PLEKHM3: variants seen among roughly 807,000 people sequenced by gnomAD.
The protein encoded by PLEKHM3 is pleckstrin homology domain-containing family M member 3.
In PLEKHM3, 45 loss-of-function variants were observed where a neutral mutation model predicts 81.8. The ratio of observed to expected loss-of-function variants is 0.55; its 90% CI spans 0.43 to 0.71. PLEKHM3 has a LOEUF of 0.71. Ranked by LOEUF, PLEKHM3 falls within the 30% of genes least tolerant of loss-of-function variation. PLEKHM3 has a pLI of 0.00. For synonymous variants in PLEKHM3, 352 were observed against 356.4 expected (o/e 0.99, Z 0.14); for missense variants, 788 against 924.3 (o/e 0.85, Z 1.91).
chr2:207,821,693 T>C lies in PLEKHM3; in HGVS notation c.*6626A>G, dbSNP rs1476873280. 1 of 152,012 alleles carries C rather than the reference T, an allele frequency of 6.6e-6. No homozygotes were observed. The highest frequency in any genetic ancestry group is 1.5e-5 in the Non-Finnish European group (1 of 68,008). 9.4% of individuals were successfully genotyped at this position (152,012 alleles called of 1,614,324 possible). On this transcript the variant is annotated 3_prime_UTR_variant, in exon 8 of 8. Coordinates refer to ENST00000427836, the MANE Select transcript of PLEKHM3 (RefSeq NM_001080475.3). ...AAGTTTTTTACATCACCACGTTCAA[T>C]ACTCTCCATTTGCAACCTAAGCATT...
intron 6 of PLEKHM3, among the ~76,000 whole-genome samples, chr2:207,891,957 C>A (rs1205778055): frequency 2.0e-5 from 3 of 152,206 alleles, no homozygotes; most frequent in Non-Finnish European, 2.9e-5. Flanking sequence ...GAAGGCATAA[C>A]ACAGTCCTGG....
chr2:207,959,915 T>C (rs528043714), intron 3 of PLEKHM3, among the ~76,000 whole-genome samples: 2 of 152,366 alleles, frequency 1.3e-5, no homozygotes, highest in South Asian at 4.1e-4. Flanking sequence ...ACTGTCTTGG[T>C]GTATTTTCTC....
intron 6 of PLEKHM3, among the ~76,000 whole-genome samples, chr2:207,892,530 C>A (rs920730625): frequency 6.6e-6 from 1 of 152,158 alleles, no homozygotes; most frequent in African/African-American, 2.4e-5. Flanking sequence ...TTCAACTTCT[C>A]TCCTACGCTG....
intron 7 of PLEKHM3, among the ~76,000 whole-genome samples, chr2:207,833,026 C>T (rs2092297088): frequency 6.7e-6 from 1 of 149,970 alleles, no homozygotes; most frequent in South Asian, 2.1e-4. Flanking sequence ...GCACGAGAAT[C>T]GCTGAAACCC....
At chr2:207,902,957 G>A (rs1168858036) in intron 6 of PLEKHM3, among the ~76,000 whole-genome samples, 1 of 151,980 alleles carries the variant, frequency 6.6e-6, no homozygotes, top group African/African-American at 2.4e-5. Context: ...TTTAGGCAGT[G>A]CTAGGCAATT....
At chr2:207,880,947 C>G (rs2092588509) in intron 6 of PLEKHM3, among the ~76,000 whole-genome samples, 1 of 150,752 alleles carries the variant, frequency 6.6e-6, no homozygotes, top group African/African-American at 2.4e-5. Flanking sequence ...GGAGAACTTG[C>G]TTATACTGTT....
rs879530492 is a variant in PLEKHM3 at position 208,003,245 on chromosome 2, C to T, written c.-318-1288G>A. Among the ~76,000 whole-genome samples, 2 of 152,206 alleles carry T rather than the reference C, an allele frequency of 1.3e-5. 1 individual carries two copies. Among genetic ancestry groups the T allele is most frequent in the Non-Finnish European group, 2.9e-5 (2 of 68,040 alleles). ...TTTCACCTTCCACCATGATTCCAGCCATGTGGAATTGTAAGTCCAATAAAA... is the reference window on the plus strand; with the variant it reads ...TTTCACCTTCCACCATGATTCCAGCTATGTGGAATTGTAAGTCCAATAAAA... On this transcript the variant is annotated intron_variant, in intron 1 of 7. Coordinates refer to ENST00000427836, the MANE Select transcript of PLEKHM3 (RefSeq NM_001080475.3).
chr2:207,892,344 A>T (rs115952216), intron 6 of PLEKHM3, among the ~76,000 whole-genome samples: 11 of 152,292 alleles, frequency 7.2e-5, no homozygotes, highest in African/African-American at 2.6e-4. Context: ...TACCATACAC[A>T]TCCATACCAA....
intron 7 of PLEKHM3, among the ~76,000 whole-genome samples, chr2:207,851,971 T>C (rs970887271): frequency 4.6e-5 from 7 of 152,134 alleles, no homozygotes; most frequent in African/African-American, 1.4e-4. Flanking sequence ...TCCACAACAG[T>C]ACTTTGGCCA....
chr2:207,923,905 A>ATATATAT (rs1396762429), intron 5 of PLEKHM3, among the ~76,000 whole-genome samples: 3 of 28,340 alleles, frequency 1.1e-4, no homozygotes, highest in East Asian at 9.1e-4. Context: ...ATATATATAT[A>ATATATAT]TTTTTTTTTT....
chr2:207,999,094 T>C (rs1325056904), intron 2 of PLEKHM3, among the ~76,000 whole-genome samples: 1 of 152,000 alleles, frequency 6.6e-6, no homozygotes, highest in African/African-American at 2.4e-5. Context: ...TCGATTTTCA[T>C]GCCTCAGCCT....
rs1021637599 is a variant in PLEKHM3 at position 208,015,314 on chromosome 2, T to C, written c.-319+10075A>G. Among the ~76,000 whole-genome samples, 4 of 152,204 alleles carry C rather than the reference T, an allele frequency of 2.6e-5. 1 individual carries two copies. The highest frequency in any genetic ancestry group is 1.3e-4 in the Admixed American group (2 of 15,284). The stretch of plus-strand genomic sequence containing the variant: ...GCAAATTAATTACCCTGGGATAATA[T>C]GGCTAAAATTTTAGTACATGAACAT... On this transcript the variant is annotated intron_variant, in intron 1 of 7. Transcript: ENST00000427836.
Position 207,976,724 on chromosome 2 carries a change from A to T in PLEKHM3, c.1473T>A (p.Thr491=). The T allele has an allele frequency of 6.2e-7, 1 of 1,614,234 alleles. No individual in the cohort carries two copies. The highest frequency in any genetic ancestry group is 8.5e-7 in the Non-Finnish European group (1 of 1,180,034). The change falls in exon 3 of 8, where the codon ACT becomes ACA. Residue 491 remains threonine, a synonymous_variant. Transcript: ENST00000427836. The surrounding 1 kb of genome is among the most constrained non-coding windows in gnomAD (Gnocchi z 4.1). The stretch of plus-strand genomic sequence containing the variant: ...TCGTCAAAATGCTCAGGAAGCTGGT[A>T]GTCACAGATTGGCGTTTGTTCTTCC... ...ELRKNKRQSV[T]TSFLSILTTL...
At chr2:207,968,618 C>T (rs1013819014) in intron 3 of PLEKHM3, among the ~76,000 whole-genome samples, 1 of 152,188 alleles carries the variant, frequency 6.6e-6, no homozygotes, top group Admixed American at 6.5e-5. Flanking sequence ...TTCTTATTTG[C>T]ATATCCCAAG....
intron 6 of PLEKHM3, among the ~76,000 whole-genome samples, chr2:207,888,746 C>T (rs373817372): frequency 2.6e-5 from 4 of 152,218 alleles, no homozygotes; most frequent in African/African-American, 9.6e-5. Flanking sequence ...CAGACTCTGA[C>T]ATGAATTATA....
chr2:208,000,445 G>A (rs989497885), intron 2 of PLEKHM3, among the ~76,000 whole-genome samples: 11 of 152,028 alleles, frequency 7.2e-5, no homozygotes, highest in Non-Finnish European at 1.2e-4. Flanking sequence ...GTCCTTTTAC[G>A]GTCACTGCCA....
intron 3 of PLEKHM3, among the ~76,000 whole-genome samples, chr2:207,971,320 C>T (rs1031101286): frequency 3.9e-5 from 6 of 152,080 alleles, no homozygotes; most frequent in Admixed American, 2.0e-4. Context: ...GAAAACAGAG[C>T]TGCTTAGATA....
intron 2 of PLEKHM3, among the ~76,000 whole-genome samples, chr2:207,988,903 T>G (rs1035233045): frequency 1.3e-5 from 2 of 152,206 alleles, no homozygotes; most frequent in African/African-American, 4.8e-5. Context: ...CCGAGGCCTC[T>G]GAGTTGCCAT....
At chr2:207,947,315 A>G (rs562192473) in intron 3 of PLEKHM3, among the ~76,000 whole-genome samples, 4 of 152,214 alleles carry the variant, frequency 2.6e-5, no homozygotes, top group East Asian at 1.9e-4. Context: ...CTTGCCCAAG[A>G]TTACTGGTTG....
Sources: gnomAD v4.1 joint callset for allele counts (sites outside exome capture counted in the v4.1 genomes callset) on GRCh38, gnomAD v4.1.1 for gene constraint, Gnocchi (gnomAD v3.1) non-coding constraint, MANE v1.5 for transcripts, NCBI Gene and HGNC (gene_info 2026-07-23, HGNC 2026-07-21) for gene names.